WWC1: variants seen among roughly 807,000 people sequenced by gnomAD.
WWC1 encodes the protein WW and C2 domain containing 1.
WWC1 carries 55 observed loss-of-function variants against 138.4 expected under a neutral mutation model. The observed-to-expected ratio is 0.40, with a 90% confidence interval of 0.32 to 0.50. The LOEUF is 0.50. WWC1 is among the 20% of genes least tolerant of loss of function. WWC1 has a pLI of 0.72. For missense variants in WWC1, 1,226 were observed against 1,420.4 expected (o/e 0.86, Z 2.20); for synonymous variants, 524 against 564.9 (o/e 0.93, Z 1.03).
intron 1 of WWC1, among the ~76,000 whole-genome samples, chr5:168,328,511 C>T (rs1171021452): frequency 6.6e-6 from 1 of 152,058 alleles, no homozygotes; most frequent in East Asian, 1.9e-4. Flanking sequence ...TAGAGCATTG[C>T]CACTGACCTG....
chr5:168,428,627 C>A, intron 12 of WWC1, 80 bp from the exon 13 acceptor site: 1 of 1,425,196 alleles, frequency 7.0e-7, no homozygotes, highest in Non-Finnish European at 9.8e-7. Context: ...ACTTTCCTTC[C>A]TGGGGATGTA....
At chr5:168,467,335 C>A (rs1359594017) in intron 21 of WWC1, among the ~76,000 whole-genome samples, 1 of 152,148 alleles carries the variant, frequency 6.6e-6, no homozygotes, top group Non-Finnish European at 1.5e-5. Flanking sequence ...GTATATGGTA[C>A]GTGGATATTT....
intron 21 of WWC1, among the ~76,000 whole-genome samples, chr5:168,465,608 G>A (rs1757225157): frequency 8.1e-6 from 1 of 123,292 alleles, no homozygotes; most frequent in Admixed American, 1.1e-4. Flanking sequence ...CGCCCGGGCT[G>A]GAGTGTGGTG....
chr5:168,423,681 T>C lies in WWC1; in HGVS notation c.1423T>C (p.Ser475Pro). The C allele has an allele frequency of 6.2e-7, 1 of 1,614,152 alleles. No homozygotes were observed. The highest frequency in any genetic ancestry group is 8.5e-7 in the Non-Finnish European group (1 of 1,180,024). The part of the protein sequence containing the change: ...LYYDPFEQLD[S>P]ELQSKVEFLL... ...CTATGACCCCTTTGAGCAGCTGGAC[T>C]CAGAGCTGCAGAGCAAGGTGGAGTT... The change falls in exon 11 of 23, where the codon TCA becomes CCA. Residue 475 changes from serine to proline, a missense_variant. This residue lies in a region of WWC1 where 1,016 missense variants were observed against 1,153.9 expected (regional missense o/e 0.88). Transcript: ENST00000265293.
intron 20 of WWC1, among the ~76,000 whole-genome samples, chr5:168,462,008 A>G (rs569017570): frequency 6.6e-6 from 1 of 152,152 alleles, no homozygotes; most frequent in East Asian, 1.9e-4. Context: ...GTGAGCCGAG[A>G]TCGCGCCGTT....
chr5:168,311,042 A>G (rs1215186830), intron 1 of WWC1, among the ~76,000 whole-genome samples: 1 of 152,130 alleles, frequency 6.6e-6, no homozygotes, highest in East Asian at 1.9e-4. Context: ...ATGGTTGCTG[A>G]GTTCTCTTCA....
chr5:168,347,348 G>A (rs1299300339), intron 1 of WWC1, among the ~76,000 whole-genome samples: 2 of 152,314 alleles, frequency 1.3e-5, no homozygotes, highest in Admixed American at 6.5e-5. Context: ...CACCAGGCTC[G>A]CAAGGGTCTC....
chr5:168,366,350 C>T (rs1049287330), intron 1 of WWC1, among the ~76,000 whole-genome samples: 1 of 152,196 alleles, frequency 6.6e-6, no homozygotes, highest in Admixed American at 6.5e-5. Context: ...CATAGCCTTC[C>T]ATAGGCACTT....
intron 1 of WWC1, among the ~76,000 whole-genome samples, chr5:168,312,359 G>A (rs1415624658): frequency 3.3e-5 from 5 of 152,176 alleles, no homozygotes; most frequent in Admixed American, 2.0e-4. Flanking sequence ...AGATGAAGAC[G>A]TGGCGGCACA....
chr5:168,337,340 G>A (rs1773569154), intron 1 of WWC1, among the ~76,000 whole-genome samples: 4 of 3,186 alleles, frequency 1.3e-3, no homozygotes, highest in South Asian at 0.029. Context: ...AAGCTCCATC[G>A]GTGTAACTAG....
chr5:168,421,927 G>T (rs926376732), intron 9 of WWC1, 81 bp from the exon 10 acceptor site: 4 of 1,206,142 alleles, frequency 3.3e-6, no homozygotes, highest in Non-Finnish European at 4.9e-6. Flanking sequence ...TCTTGTGCCT[G>T]TGGGTCTGGG....
intron 15 of WWC1, among the ~76,000 whole-genome samples, chr5:168,438,078 G>A (rs151274240): frequency 2.0e-3 from 307 of 152,274 alleles, no homozygotes; most frequent in African/African-American, 7.1e-3. Flanking sequence ...CTGGTAGGTA[G>A]GAGTGATTTT....
intron 1 of WWC1, among the ~76,000 whole-genome samples, chr5:168,330,936 C>T (rs1008081606): frequency 2.0e-5 from 3 of 152,192 alleles, no homozygotes; most frequent in Admixed American, 6.5e-5. Context: ...ACCCTCAGTG[C>T]TGAGCTGCCA....
rs868568669 is a variant in WWC1 at position 168,346,972 on chromosome 5, A to T, written c.120-24452A>T. Among the ~76,000 whole-genome samples, 16 of 152,238 alleles carry T rather than the reference A, an allele frequency of 1.1e-4. No homozygotes were observed. The South Asian group carries it at 3.1e-3, about 30-fold the overall frequency. On this transcript the variant is annotated intron_variant, in intron 1 of 22. Transcript: ENST00000265293. ...GGTCTTGCTCATGCAGGGCAGGAAG[A>T]GCTGAGCAGGGGAGGAAATACACCT...
At chr5:168,404,244 C>T (rs1266891873) in intron 5 of WWC1, among the ~76,000 whole-genome samples, 1 of 152,238 alleles carries the variant, frequency 6.6e-6, no homozygotes, top group Non-Finnish European at 1.5e-5. Flanking sequence ...CTCCCTGCAG[C>T]CCCTATGCCC....
rs1272727535 is a variant in WWC1 at position 168,399,476 on chromosome 5, G to A, written c.511-12G>A. The A allele has an allele frequency of 3.1e-6, 5 of 1,613,906 alleles. No homozygotes were observed. The highest frequency in any genetic ancestry group is 3.4e-6 in the Non-Finnish European group (4 of 1,179,982). The stretch of plus-strand genomic sequence containing the variant: ...TCTGACCCAGCCCTGTGTGTGGTCT[G>A]CTGCCCTCCAGGTCAACAAGCTGAA... On this transcript the variant is annotated splice_polypyrimidine_tract_variant and intron_variant, in intron 4 of 22. Transcript: ENST00000265293.
At chr5:168,409,446 T>C (rs561135644) in intron 7 of WWC1, among the ~76,000 whole-genome samples, 65 of 152,178 alleles carry the variant, frequency 4.3e-4, no homozygotes, top group Non-Finnish European at 7.3e-4. Flanking sequence ...GCCAAAGTAT[T>C]TGTAAAGGAA....
intron 1 of WWC1, among the ~76,000 whole-genome samples, chr5:168,365,021 T>C (rs1776181361): frequency 6.6e-6 from 1 of 152,126 alleles, no homozygotes. Context: ...TGTTAGACAA[T>C]GAGTAAAAGA....
chr5:168,331,085 A>C (rs1263823512), intron 1 of WWC1, among the ~76,000 whole-genome samples: 1 of 152,148 alleles, frequency 6.6e-6, no homozygotes, highest in African/African-American at 2.4e-5. Flanking sequence ...ATGTAAGAGT[A>C]GCAAGCCCAG....
Sources: allele counts gnomAD v4.1 joint callset (sites outside exome capture counted in the v4.1 genomes callset), GRCh38; gene constraint gnomAD v4.1.1; regional missense constraint gnomAD v4.1.1; transcripts MANE v1.5; gene names NCBI Gene and HGNC (gene_info 2026-07-23, HGNC 2026-07-21).